Variants in TMTC2 observed in about 807,000 individuals in gnomAD.
The protein encoded by TMTC2 is protein O-mannosyl-transferase TMTC2.
TMTC2 carries 43 observed loss-of-function variants against 82.4 expected under a neutral mutation model. The observed-to-expected ratio is 0.52, with a 90% CI of 0.41 to 0.67. The LOEUF is 0.67. TMTC2 is among the 30% of genes least tolerant of loss of function. The probability of loss-of-function intolerance (pLI) is 0.00; values close to 1 mark genes in which losing one functional copy is unlikely to be tolerated. For synonymous variants in TMTC2, 408 were observed against 381.9 expected, an observed-to-expected ratio of 1.07 and a Z score of -0.80; for missense variants, 919 against 1,012.4, an observed-to-expected ratio of 0.91 and a Z score of 1.25.
chr12:82,802,922 C>A (rs1292382752), intron 1 of TMTC2, among the ~76,000 whole-genome samples: 1 of 152,060 alleles, frequency 6.6e-6, no homozygotes, highest in Non-Finnish European at 1.5e-5. Flanking sequence ...CTGTAGTATT[C>A]CTGGTTTGTA....
chr12:82,809,220 A>G (rs535149049), intron 1 of TMTC2, among the ~76,000 whole-genome samples: 5 of 152,172 alleles, frequency 3.3e-5, no homozygotes, highest in South Asian at 4.1e-4. Flanking sequence ...ATCTAGTTTA[A>G]TAAATTGTTC....
At position 83,134,345 on chromosome 12, in the gene TMTC2, A is replaced by G. The variant is rs1256602004; in HGVS notation, c.*1956A>G. On this transcript the variant is annotated 3_prime_UTR_variant, in exon 12 of 12. Coordinates refer to ENST00000321196, the MANE Select transcript of TMTC2 (RefSeq NM_152588.3). Reference sequence around the variant, plus strand: ...TATAGAGATTAATTCAGTGTCTAACATTTGTATTTATTTAAATAGTTATTG... The same window carrying G: ...TATAGAGATTAATTCAGTGTCTAACGTTTGTATTTATTTAAATAGTTATTG... 6.6e-6 allele frequency: 1 copy of G among 152,028 alleles called. No individual in the cohort carries two copies. The highest frequency in any genetic ancestry group is 1.5e-5 in the Non-Finnish European group (1 of 67,936). The allele number at this position is 152,028 out of a possible 1,614,324, so 9.4% of individuals were successfully genotyped here.
chr12:82,695,316 T>C (rs1872735428), intron 1 of TMTC2, among the ~76,000 whole-genome samples: 2 of 152,228 alleles, frequency 1.3e-5, no homozygotes, highest in Admixed American at 6.5e-5. Flanking sequence ...AAATTCTGTT[T>C]CCTTTTTTTG....
At chr12:83,129,239 T>A (rs985236683) in intron 11 of TMTC2, among the ~76,000 whole-genome samples, 1 of 152,196 alleles carries the variant, frequency 6.6e-6, no homozygotes, top group African/African-American at 2.4e-5. Context: ...AGTTTCCATA[T>A]TTTTTAGCCA....
rs1216764419 is a variant in TMTC2, at chr12:82,805,897, G to A, written c.84-51113G>A. Among the ~76,000 whole-genome samples, 7 of 152,162 alleles carry A rather than the reference G, an allele frequency of 4.6e-5. No homozygotes were observed. In the South Asian group the frequency reaches 1.5e-3, roughly 32 times the overall value. On this transcript the variant is annotated intron_variant, in intron 1 of 11. Transcript: ENST00000321196. ...TTTAGTTTTTTAATTAACTCACCAA[G>A]TCTTTATTGAACATCTAGTTGGTGC...
chr12:82,999,756 A>G (rs181689613), intron 8 of TMTC2, among the ~76,000 whole-genome samples: 6 of 152,328 alleles, frequency 3.9e-5, no homozygotes, highest in Admixed American at 3.9e-4. Context: ...ATCTCTCACC[A>G]GGTCCCTTCC....
chr12:82,998,472 T>C (rs756389922), intron 8 of TMTC2, among the ~76,000 whole-genome samples: 12 of 152,206 alleles, frequency 7.9e-5, no homozygotes, highest in Non-Finnish European at 1.8e-4. Flanking sequence ...AACAACTTTT[T>C]TTCATGCTTA....
At chr12:83,066,545 A>G (rs1177162290) in intron 11 of TMTC2, among the ~76,000 whole-genome samples, 1 of 152,028 alleles carries the variant, frequency 6.6e-6, no homozygotes, top group Non-Finnish European at 1.5e-5. Flanking sequence ...GTGGCGATTT[A>G]TATGATGAAT....
chr12:82,901,799 C>G (rs1213442290), intron 3 of TMTC2, among the ~76,000 whole-genome samples: 2 of 152,132 alleles, frequency 1.3e-5, no homozygotes, highest in Non-Finnish European at 2.9e-5. Flanking sequence ...CCACATTCCT[C>G]TGGTGGCCTT....
intron 1 of TMTC2, among the ~76,000 whole-genome samples, chr12:82,829,500 T>C (rs1869635543): frequency 6.6e-6 from 1 of 152,222 alleles, no homozygotes; most frequent in Non-Finnish European, 1.5e-5. Context: ...TTGTTGGTTT[T>C]TGTGAATATC....
intron 8 of TMTC2, among the ~76,000 whole-genome samples, chr12:82,987,771 A>G (rs1879223032): frequency 6.6e-6 from 1 of 152,124 alleles, no homozygotes; most frequent in Admixed American, 6.6e-5. Context: ...TAAATAAGGC[A>G]GGGAAATTCT....
At chr12:82,820,446 A>G (rs910397643) in intron 1 of TMTC2, among the ~76,000 whole-genome samples, 1 of 150,064 alleles carries the variant, frequency 6.7e-6, no homozygotes, top group Non-Finnish European at 1.5e-5. Flanking sequence ...TCTCGGCTCT[A>G]CTGCAACGTC....
intron 1 of TMTC2, among the ~76,000 whole-genome samples, chr12:82,702,181 T>C (rs568963530): frequency 4.6e-4 from 70 of 152,190 alleles, no homozygotes; most frequent in Non-Finnish European, 6.5e-4. Flanking sequence ...ACACTTACAG[T>C]GGAAAATGAG....
At chr12:82,748,312 GAAA>G (rs952873516) in intron 1 of TMTC2, among the ~76,000 whole-genome samples, 1 of 145,386 alleles carries the variant, frequency 6.9e-6, no homozygotes, top group South Asian at 2.2e-4. Context: ...CTGTCTCAAA[GAAA>G]AAAAAAAAGT....
chr12:83,104,138 C>G (rs1884320713), intron 11 of TMTC2, among the ~76,000 whole-genome samples: 2 of 152,214 alleles, frequency 1.3e-5, no homozygotes, highest in Admixed American at 1.3e-4. Context: ...AGCTCTGCCC[C>G]TGTGGCTTTG....
chr12:82,905,365 GGTTT>G (rs1874237236), intron 3 of TMTC2, among the ~76,000 whole-genome samples: 1 of 152,036 alleles, frequency 6.6e-6, no homozygotes, highest in Admixed American at 6.6e-5. Context: ...TTCTGAGAAT[GGTTT>G]GTTAACTCTA....
At chr12:82,978,477 C>CGT (rs1028869909) in intron 7 of TMTC2, among the ~76,000 whole-genome samples, 72 of 150,922 alleles carry the variant, frequency 4.8e-4, no homozygotes, top group Non-Finnish European at 8.9e-4. Context: ...GTTTAATTTC[C>CGT]GTGTGTGTGT....
At chr12:83,029,445 A>G (rs965222558) in intron 8 of TMTC2, among the ~76,000 whole-genome samples, 4 of 152,178 alleles carry the variant, frequency 2.6e-5, no homozygotes, top group African/African-American at 9.7e-5. Flanking sequence ...AGTGTAGCAA[A>G]TTAGGTTAAT....
intron 7 of TMTC2, among the ~76,000 whole-genome samples, chr12:82,976,885 C>A (rs1028590393): frequency 6.6e-6 from 1 of 152,002 alleles, no homozygotes; most frequent in South Asian, 2.1e-4. Flanking sequence ...GGGCATACTT[C>A]GTAAAAAAAT....
Sources: gnomAD v4.1 joint callset for allele counts (sites outside exome capture counted in the v4.1 genomes callset) on GRCh38, gnomAD v4.1.1 for gene constraint, MANE v1.5 for transcripts, NCBI Gene and HGNC (gene_info 2026-07-23, HGNC 2026-07-21) for gene names.